Variants in PHF14 observed in about 807,000 individuals in gnomAD.
PHF14 encodes the protein PHD finger protein 14.
PHF14 carries 55 observed loss-of-function variants against 117.9 expected under a neutral mutation model. The observed-to-expected ratio is 0.47, with a 90% CI of 0.38 to 0.58. The LOEUF is 0.58. Among genes scored for constraint, PHF14 ranks in the 20% least tolerant of loss-of-function variants. The pLI is 0.00. For missense variants in PHF14, 978 were observed against 1,122.2 expected, an observed-to-expected ratio of 0.87 and a Z score of 1.84; for synonymous variants, 409 against 368.6, an observed-to-expected ratio of 1.11 and a Z score of -1.26.
chr7:11,154,263 C>T (rs1220577046), intron 17 of PHF14, among the ~76,000 whole-genome samples: 1 of 151,666 alleles, frequency 6.6e-6, no homozygotes, highest in Admixed American at 6.6e-5. Flanking sequence ...AAATCACATC[C>T]ACTTGAGTAT....
Position 11,130,120 on chromosome 7 carries a change from C to G in PHF14, c.2772+18653C>G, listed in dbSNP as rs1224433154. ...CATTATAGTCACTTGGGGACCCGAG[C>G]TGATGGAGGTTTTGTTTCAACATAT... On this transcript the variant is annotated intron_variant, in intron 17 of 17. Transcript: ENST00000634607. This position sits in a 1 kb window ranked among gnomAD's most constrained non-coding sequence, Gnocchi z 4.2. 1.3e-5 allele frequency among the ~76,000 whole-genome samples: 2 copies of G among 152,106 alleles called. No homozygotes were observed. The highest frequency in any genetic ancestry group is 3.9e-4 in the East Asian group (2 of 5,180).
At chr7:11,036,931 C>G (rs1316449712) in intron 9 of PHF14, 54 bp from the exon 10 acceptor site, 1 of 1,199,480 alleles carries the variant, frequency 8.3e-7, no homozygotes, top group Non-Finnish European at 1.2e-6. Context: ...TAGTTTCTTC[C>G]TATGTCAGTT....
intron 16 of PHF14, among the ~76,000 whole-genome samples, chr7:11,096,434 A>G (rs950751779): frequency 2.7e-4 from 41 of 152,110 alleles, no homozygotes; most frequent in African/African-American, 9.4e-4. Flanking sequence ...CATCAAATAT[A>G]TTTTTACTTT....
chr7:11,131,309 A>AT (rs1788085222), intron 17 of PHF14, among the ~76,000 whole-genome samples: 1 of 151,894 alleles, frequency 6.6e-6, no homozygotes, highest in African/African-American at 2.4e-5. Context: ...TTGTTGTTCC[A>AT]TATCTTTGCC....
chr7:11,027,454 A>G (rs1257671497), intron 6 of PHF14, among the ~76,000 whole-genome samples: 1 of 152,106 alleles, frequency 6.6e-6, no homozygotes, highest in Non-Finnish European at 1.5e-5. Context: ...ATAATTTAAC[A>G]TCTTTTTCTT....
intron 2 of PHF14, among the ~76,000 whole-genome samples, chr7:10,975,326 A>G (rs1781823656): frequency 6.6e-6 from 1 of 152,158 alleles, no homozygotes; most frequent in African/African-American, 2.4e-5. Flanking sequence ...CTTTTTTCAG[A>G]TCACTTGACA....
At chr7:11,122,856 C>T (rs1787816944) in intron 17 of PHF14, among the ~76,000 whole-genome samples, 1 of 152,082 alleles carries the variant, frequency 6.6e-6, no homozygotes, top group Admixed American at 6.6e-5. Flanking sequence ...ATAAAACATG[C>T]TCCCTTTGTC....
chr7:11,119,775 T>C (rs1050072587), intron 17 of PHF14, among the ~76,000 whole-genome samples: 1 of 151,940 alleles, frequency 6.6e-6, no homozygotes, highest in Non-Finnish European at 1.5e-5. Flanking sequence ...CTAAGAGACT[T>C]CTTCAAGAAA....
intron 4 of PHF14, among the ~76,000 whole-genome samples, chr7:11,004,038 A>G (rs1426238723): frequency 6.6e-6 from 1 of 152,048 alleles, no homozygotes; most frequent in African/African-American, 2.4e-5. Flanking sequence ...GCTTGAGCTC[A>G]GGAGTTTGAG....
intron 17 of PHF14, among the ~76,000 whole-genome samples, chr7:11,119,003 G>A (rs1208344457): frequency 6.6e-6 from 1 of 151,744 alleles, no homozygotes; most frequent in Admixed American, 6.6e-5. Flanking sequence ...TTACAAAATT[G>A]AAAAACTAAG....
chr7:11,002,631 C>T (rs144608134), intron 4 of PHF14, among the ~76,000 whole-genome samples: 3,989 of 151,740 alleles, frequency 0.026, 176 homozygotes, highest in African/African-American at 0.092. Flanking sequence ...TTATTAGAGA[C>T]GGGATTTCTC....
chr7:11,053,214 A>G (rs1431181091), intron 14 of PHF14, among the ~76,000 whole-genome samples: 1 of 152,078 alleles, frequency 6.6e-6, no homozygotes, highest in East Asian at 1.9e-4. Context: ...AACCTCCTAT[A>G]TTATAATCAC....
At chr7:11,012,313 AC>A (rs139961530) in intron 4 of PHF14, among the ~76,000 whole-genome samples, 1,778 of 152,298 alleles carry the variant, frequency 0.012, 36 homozygotes, top group African/African-American at 0.041. Flanking sequence ...CCCTCAGTAT[AC>A]CTAGGGAATT....
In PHF14 at chr7:11,062,067, A is replaced by T; in HGVS notation, c.2636A>T (p.Asp879Val). 6.2e-7 allele frequency: 1 copy of T among 1,607,394 alleles called. No homozygotes were observed. Among genetic ancestry groups the T allele is most frequent in the Non-Finnish European group, 8.5e-7 (1 of 1,176,684 alleles). The part of the protein sequence containing the change: ...TECATCKGTG[D>V]NENLVRCDEC... ...TGTGCAACTTGCAAGGGAACTGGAG[A>T]CAATGAAAATCTTGTCAGGTAAGTT... is the stretch of plus-strand genomic sequence containing the variant. Residue 879 changes from aspartate to valine, a missense_variant, in exon 16 of 18, where the codon GAC (aspartate) becomes GTC (valine). Physicochemically the swap from Asp to Val is radical, Grantham distance 152. Transcript: ENST00000634607.
chr7:11,007,128 G>T (rs963178313), intron 4 of PHF14, among the ~76,000 whole-genome samples: 4 of 152,016 alleles, frequency 2.6e-5, no homozygotes, highest in African/African-American at 9.7e-5. Flanking sequence ...AGGAGGCGGA[G>T]ATTGCAGTGA....
At chr7:11,055,725 C>T (rs892724126) in intron 14 of PHF14, among the ~76,000 whole-genome samples, 3 of 152,036 alleles carry the variant, frequency 2.0e-5, no homozygotes, top group African/African-American at 7.2e-5. Flanking sequence ...CTAGAGCCTA[C>T]TTTTATTACA....
At chr7:11,166,648 T>C (rs767416570) in intron 17 of PHF14, among the ~76,000 whole-genome samples, 1 of 152,208 alleles carries the variant, frequency 6.6e-6, no homozygotes, top group Non-Finnish European at 1.5e-5. Context: ...GATAATGTTA[T>C]AGCAATTTTA....
chr7:11,121,709 G>A (rs1787759994), intron 17 of PHF14, among the ~76,000 whole-genome samples: 1 of 152,072 alleles, frequency 6.6e-6, no homozygotes, highest in Non-Finnish European at 1.5e-5. Context: ...AGTGACTAAC[G>A]AGCAGGTAGC....
At chr7:11,144,505 T>C (rs1788492506) in intron 17 of PHF14, among the ~76,000 whole-genome samples, 1 of 150,924 alleles carries the variant, frequency 6.6e-6, no homozygotes, top group Admixed American at 6.6e-5. Context: ...CCCATGCTTA[T>C]TGCAGCATTA....
Sources: gnomAD v4.1 joint callset for allele counts (sites outside exome capture counted in the v4.1 genomes callset) on GRCh38, gnomAD v4.1.1 for gene constraint, Gnocchi (gnomAD v3.1) non-coding constraint, MANE v1.5 for transcripts, NCBI Gene and HGNC (gene_info 2026-07-23, HGNC 2026-07-21) for gene names.